The following CPQ variants were observed in gnomAD, a reference collection of about 807,000 sequenced individuals.
The protein encoded by CPQ is Ser-Met dipeptidase.
Under a neutral mutation model 45.7 loss-of-function variants are expected in CPQ, and 37 were observed. The ratio of observed to expected loss-of-function variants is 0.81; its 90% CI spans 0.62 to 1.07. The LOEUF is 1.07. CPQ is among the 50% of genes least tolerant of loss of function. The probability of loss-of-function intolerance (pLI) is 0.00; values close to 1 mark genes in which losing one functional copy is unlikely to be tolerated. For synonymous variants in CPQ, 186 were observed against 205.8 expected, an observed-to-expected ratio of 0.90 and a Z score of 0.82; for missense variants, 537 against 572.9, an observed-to-expected ratio of 0.94 and a Z score of 0.64.
intron 1 of CPQ, among the ~76,000 whole-genome samples, chr8:96,713,288 C>G (rs62507276): frequency 0.013 from 1,990 of 152,308 alleles, 18 homozygotes; most frequent in Non-Finnish European, 0.022. Context: ...CTGTTCCAAC[C>G]TCTGCCTGTT....
Position 97,041,296 on chromosome 8 carries a change from G to A in CPQ, c.1053+11802G>A, listed in dbSNP as rs566112201. Among the ~76,000 whole-genome samples, 27 of 152,084 alleles carry A rather than the reference G, an allele frequency of 1.8e-4. No homozygotes were observed. In the South Asian group the frequency reaches 5.6e-3, roughly 32 times the overall value. ...TTTGGCTCTCTGTTTGTCTGTTATT[G>A]GTGTATAAGAATGCTTGTGATTTTT... On this transcript the variant is annotated intron_variant, in intron 6 of 7. Coordinates refer to ENST00000220763, the MANE Select transcript of CPQ (RefSeq NM_016134.4).
intron 4 of CPQ, among the ~76,000 whole-genome samples, chr8:96,964,467 G>A (rs910690986): frequency 4.6e-5 from 7 of 151,950 alleles, no homozygotes; most frequent in East Asian, 3.9e-4. Context: ...GCTGAGTATC[G>A]TTTTTATGAT....
intron 5 of CPQ, among the ~76,000 whole-genome samples, chr8:96,979,677 T>A (rs1015756721): frequency 1.3e-5 from 2 of 152,230 alleles, no homozygotes; most frequent in African/African-American, 4.8e-5. Flanking sequence ...TGGGTTTTTT[T>A]AATTGCCGTG....
chr8:96,754,541 A>C (rs953536773), intron 1 of CPQ, among the ~76,000 whole-genome samples: 1 of 152,028 alleles, frequency 6.6e-6, no homozygotes, highest in Non-Finnish European at 1.5e-5. Flanking sequence ...GTTTCTTGAA[A>C]ACGTGAAAGG....
intron 7 of CPQ, among the ~76,000 whole-genome samples, chr8:97,122,992 T>TAC (rs1811754270): frequency 2.5e-5 from 1 of 39,920 alleles, no homozygotes; most frequent in Non-Finnish European, 4.3e-5. Context: ...TAAAATAAAA[T>TAC]AAAATAAAAT....
chr8:97,116,732 T>C (rs1466177653), intron 7 of CPQ, among the ~76,000 whole-genome samples: 1 of 152,212 alleles, frequency 6.6e-6, no homozygotes, highest in African/African-American at 2.4e-5. Context: ...TGGATTCTAA[T>C]GAAAATAATA....
chr8:97,021,425 G>C (rs1284205607), intron 5 of CPQ, among the ~76,000 whole-genome samples: 1 of 151,868 alleles, frequency 6.6e-6, no homozygotes, highest in Non-Finnish European at 1.5e-5. Flanking sequence ...GACTCCCGCT[G>C]TCTGCTGATG....
chr8:96,946,019 A>G (rs541805070), intron 4 of CPQ, among the ~76,000 whole-genome samples: 2 of 152,140 alleles, frequency 1.3e-5, no homozygotes, highest in African/African-American at 4.8e-5. Context: ...TGTTGATGAT[A>G]CCAGCATCAC....
Position 96,645,352 on chromosome 8 carries a change from G to C in CPQ, c.-85G>C, listed in dbSNP as rs1169764283. On this transcript the variant is annotated 5_prime_UTR_variant, in exon 1 of 8. Transcript: ENST00000220763. Reference sequence around the variant, plus strand: ...CCGCCACCGTAAGGCTAGGCCGCGAGCTTAGTCCTGGGAGCCGCCTCCGTC... The same window carrying C: ...CCGCCACCGTAAGGCTAGGCCGCGACCTTAGTCCTGGGAGCCGCCTCCGTC... 2.0e-5 allele frequency: 3 copies of C among 152,580 alleles called. No homozygotes were observed. Among genetic ancestry groups the C allele is most frequent in the Admixed American group, 1.3e-4 (2 of 15,296 alleles). The allele number at this position is 152,580 out of a possible 1,614,324, so 9.5% of individuals were successfully genotyped here.
intron 2 of CPQ, among the ~76,000 whole-genome samples, chr8:96,803,409 G>T (rs2130823781): frequency 6.6e-6 from 1 of 152,232 alleles, no homozygotes; most frequent in Non-Finnish European, 1.5e-5. Context: ...CTTCAGAAGT[G>T]GAGAAGCAAA....
chr8:97,054,216 C>T (rs1026075025), intron 6 of CPQ, among the ~76,000 whole-genome samples: 8 of 152,092 alleles, frequency 5.3e-5, no homozygotes, highest in African/African-American at 1.9e-4. Flanking sequence ...ATAAAAACCA[C>T]AATGAGATAC....
At chr8:96,932,499 T>C (rs903818222) in intron 4 of CPQ, among the ~76,000 whole-genome samples, 1 of 152,216 alleles carries the variant, frequency 6.6e-6, no homozygotes, top group Admixed American at 6.5e-5. Context: ...ATTTTAATTA[T>C]ACGAACTAGA....
At chr8:97,092,087 C>T (rs1336286745) in intron 7 of CPQ, among the ~76,000 whole-genome samples, 1 of 152,104 alleles carries the variant, frequency 6.6e-6, no homozygotes, top group Non-Finnish European at 1.5e-5. Context: ...AATACTGAAA[C>T]CGTATACTGC....
chr8:97,129,067 T>C (rs913871320), intron 7 of CPQ, among the ~76,000 whole-genome samples: 1 of 152,144 alleles, frequency 6.6e-6, no homozygotes, highest in Non-Finnish European at 1.5e-5. Context: ...TCACCAGGCA[T>C]GTGGGTCTGA....
At chr8:96,717,030 T>C (rs548859968) in intron 1 of CPQ, among the ~76,000 whole-genome samples, 7 of 10,160 alleles carry the variant, frequency 6.9e-4, no homozygotes, top group African/African-American at 2.2e-3. Context: ...TATAAATATA[T>C]ATATATATAT....
chr8:97,119,093 C>T (rs774724757), intron 7 of CPQ, among the ~76,000 whole-genome samples: 1 of 152,016 alleles, frequency 6.6e-6, no homozygotes, highest in Non-Finnish European at 1.5e-5. Flanking sequence ...CTTTGGCAGG[C>T]CAAGGAGGGT....
At chr8:96,734,216 T>C (rs527578297) in intron 1 of CPQ, among the ~76,000 whole-genome samples, 24 of 152,180 alleles carry the variant, frequency 1.6e-4, no homozygotes, top group Non-Finnish European at 2.9e-4. Flanking sequence ...GTCCTTTCAG[T>C]TCCACCTCCA....
intron 3 of CPQ, among the ~76,000 whole-genome samples, chr8:96,858,500 G>T (rs1344423183): frequency 1.3e-5 from 2 of 152,152 alleles, no homozygotes; most frequent in Non-Finnish European, 2.9e-5. Flanking sequence ...AATTACTAAT[G>T]CAAAATTATA....
At chr8:96,997,704 A>G (rs1443704340) in intron 5 of CPQ, among the ~76,000 whole-genome samples, 2 of 151,986 alleles carry the variant, frequency 1.3e-5, no homozygotes, top group Non-Finnish European at 2.9e-5. Context: ...TTGAAAAGAT[A>G]TGGCATTAAT....
Sources: gnomAD v4.1 joint callset for allele counts (sites outside exome capture counted in the v4.1 genomes callset) on GRCh38, gnomAD v4.1.1 for gene constraint, MANE v1.5 for transcripts, NCBI Gene and HGNC (gene_info 2026-07-23, HGNC 2026-07-21) for gene names.